Variants in TMPRSS15 observed in about 807,000 individuals in gnomAD.
The protein encoded by TMPRSS15 is transmembrane serine protease 15, also known as enteropeptidase.
TMPRSS15 carries 128 observed loss-of-function variants against 125.3 expected under a neutral mutation model. That is an observed-to-expected ratio of 1.02 (90% CI 0.89 to 1.18). The LOEUF (loss-of-function observed/expected upper bound fraction) is 1.18, where lower values mean the gene tolerates loss of function less well. Among genes scored for constraint, TMPRSS15 ranks in the 50% most tolerant of loss-of-function variants. TMPRSS15 has a pLI of 0.00. For missense variants in TMPRSS15, 1,283 were observed against 1,212.7 expected (o/e 1.06, Z -0.86); for synonymous variants, 446 against 423.2 (o/e 1.05, Z -0.66).
At chr21:18,470,909 C>T (rs759819533) in intron 1 of TMPRSS15, among the ~76,000 whole-genome samples, 1 of 151,934 alleles carries the variant, frequency 6.6e-6, no homozygotes, top group Non-Finnish European at 1.5e-5. Context: ...GAATGATTCT[C>T]TGGGGAACCG....
At chr21:18,328,717 AG>A (rs2075316243) in intron 15 of TMPRSS15, among the ~76,000 whole-genome samples, 1 of 152,200 alleles carries the variant, frequency 6.6e-6, no homozygotes, top group Non-Finnish European at 1.5e-5. Flanking sequence ...ATAGCACAAT[AG>A]GGTGACCACA....
At chr21:18,420,816 G>T (rs1408756230) in intron 1 of TMPRSS15, among the ~76,000 whole-genome samples, 1 of 152,170 alleles carries the variant, frequency 6.6e-6, no homozygotes, top group African/African-American at 2.4e-5. Context: ...GCAATATAGA[G>T]TCAGATGGTT....
chr21:18,485,330 G>T (rs1428541933), intron 1 of TMPRSS15, among the ~76,000 whole-genome samples: 1 of 151,278 alleles, frequency 6.6e-6, no homozygotes, highest in Non-Finnish European at 1.5e-5. Flanking sequence ...TATTATATTA[G>T]CTAAGACCCT....
chr21:18,470,985 T>TA (rs1978768196), intron 1 of TMPRSS15, among the ~76,000 whole-genome samples: 1 of 94,732 alleles, frequency 1.1e-5, no homozygotes, highest in African/African-American at 5.1e-5. Context: ...AAAATTAGGA[T>TA]AATTTTTTTC....
intron 3 of TMPRSS15, among the ~76,000 whole-genome samples, chr21:18,396,587 A>G (rs1317707437): frequency 6.6e-6 from 1 of 151,946 alleles, no homozygotes; most frequent in African/African-American, 2.4e-5. Context: ...ATCTTGGCTA[A>G]CATGGTGAAA....
chr21:18,409,228 G>GA (rs2076159662), intron 1 of TMPRSS15, among the ~76,000 whole-genome samples: 1 of 151,500 alleles, frequency 6.6e-6, no homozygotes, highest in African/African-American at 2.4e-5. Context: ...TTTTGTATGT[G>GA]ACATGTTTTA....
intron 19 of TMPRSS15, 77 bp downstream of exon 19, chr21:18,297,657 A>T: frequency 9.1e-7 from 1 of 1,099,944 alleles, no homozygotes; most frequent in East Asian, 2.4e-5. Flanking sequence ...AATAGCATTC[A>T]AATCTGACTG....
At chr21:18,440,369 T>C (rs1320175870) in intron 1 of TMPRSS15, among the ~76,000 whole-genome samples, 4 of 7,348 alleles carry the variant, frequency 5.4e-4, no homozygotes, top group Non-Finnish European at 1.8e-3. Flanking sequence ...CGAAACTCCG[T>C]CTCAAAAAAA....
At chr21:18,461,176 G>C (rs1978544204) in intron 1 of TMPRSS15, among the ~76,000 whole-genome samples, 1 of 152,148 alleles carries the variant, frequency 6.6e-6, no homozygotes, top group South Asian at 2.1e-4. Flanking sequence ...TGAGACGTAA[G>C]ATCTCCATCC....
At chr21:18,463,503 G>T (rs1569073958) in intron 1 of TMPRSS15, among the ~76,000 whole-genome samples, 1 of 151,810 alleles carries the variant, frequency 6.6e-6, no homozygotes, top group African/African-American at 2.4e-5. Context: ...AATAATAGTG[G>T]GAGACTTTAA....
Position 18,365,714 on chromosome 21 carries a change from CTCTT to C in TMPRSS15, c.665-470_665-467del, listed in dbSNP as rs1351439322. ...TCCTTCCTTCCTACCTTCTCTCTCTCTCTTTCTTTCTCTTCTTTCTCTTTTTTCC... is the reference window on the plus strand; with the variant it reads ...TCCTTCCTTCCTACCTTCTCTCTCTCTCTTTCTCTTCTTTCTCTTTTTTCC... On this transcript the variant is annotated intron_variant, in intron 6 of 24. Coordinates refer to ENST00000284885, the MANE Select transcript of TMPRSS15 (RefSeq NM_002772.3). Among the ~76,000 whole-genome samples the C allele has an allele frequency of 1.1e-3, 150 of 136,012 alleles. 1 individual carries two copies. Among genetic ancestry groups the C allele is most frequent in the Non-Finnish European group, 1.7e-3 (106 of 63,468 alleles). 89.2% of individuals were successfully genotyped at this position (136,012 alleles called of 152,430 possible).
At chr21:18,402,999 A>G (rs1239304851) in intron 1 of TMPRSS15, among the ~76,000 whole-genome samples, 3 of 152,196 alleles carry the variant, frequency 2.0e-5, no homozygotes, top group Non-Finnish European at 2.9e-5. Flanking sequence ...GTTATTTTAT[A>G]TTAGTAGAAT....
intron 18 of TMPRSS15, among the ~76,000 whole-genome samples, chr21:18,298,860 T>G (rs1415046410): frequency 6.6e-6 from 1 of 152,198 alleles, no homozygotes; most frequent in Non-Finnish European, 1.5e-5. Context: ...CCAGGGAACT[T>G]CCAAGTAACA....
chr21:18,370,780 G>A (rs2147043821), intron 6 of TMPRSS15, among the ~76,000 whole-genome samples: 1 of 152,178 alleles, frequency 6.6e-6, no homozygotes, highest in South Asian at 2.1e-4. Flanking sequence ...TTGGTACCGG[G>A]AAACAGACCA....
intron 1 of TMPRSS15, among the ~76,000 whole-genome samples, chr21:18,422,129 G>A (rs1476182755): frequency 3.3e-5 from 5 of 151,936 alleles, no homozygotes; most frequent in East Asian, 1.9e-4. Flanking sequence ...GATTACAGGT[G>A]TGCACCATCA....
intron 7 of TMPRSS15, among the ~76,000 whole-genome samples, chr21:18,360,400 T>C (rs2075669195): frequency 6.6e-6 from 1 of 152,014 alleles, no homozygotes; most frequent in South Asian, 2.1e-4. Context: ...AACATGGGAG[T>C]GCAGATATTT....
intron 6 of TMPRSS15, 131 bp downstream of exon 6, chr21:18,372,062 C>G: frequency 1.6e-6 from 1 of 621,812 alleles, no homozygotes; most frequent in Non-Finnish European, 2.4e-6. Flanking sequence ...ATTTAAATAG[C>G]TCATTCTTCA....
At chr21:18,466,989 G>A (rs1330532386) in intron 1 of TMPRSS15, among the ~76,000 whole-genome samples, 1 of 152,126 alleles carries the variant, frequency 6.6e-6, no homozygotes, top group Non-Finnish European at 1.5e-5. Context: ...GTTCACAATA[G>A]CAAAGACTTG....
chr21:18,429,409 T>C (rs1216569371), intron 1 of TMPRSS15, among the ~76,000 whole-genome samples: 1 of 152,072 alleles, frequency 6.6e-6, no homozygotes, highest in Non-Finnish European at 1.5e-5. Context: ...AATGATATGG[T>C]TTGGTTCTGT....
Sources: allele counts gnomAD v4.1 joint callset (sites outside exome capture counted in the v4.1 genomes callset), GRCh38; gene constraint gnomAD v4.1.1; transcripts MANE v1.5; gene names NCBI Gene and HGNC (gene_info 2026-07-23, HGNC 2026-07-21).